Variants in TBX5 observed in about 807,000 individuals in gnomAD.
The protein encoded by TBX5 is T-box transcription factor TBX5.
TBX5 carries 8 observed loss-of-function variants against 51.1 expected under a neutral mutation model. The ratio of observed to expected loss-of-function variants is 0.16; its 90% CI spans 0.09 to 0.28. The LOEUF (loss-of-function observed/expected upper bound fraction) is 0.28, where lower values mean the gene tolerates loss of function less well. Ranked by LOEUF, TBX5 falls within the 10% of genes least tolerant of loss-of-function variation. TBX5 has a pLI of 1.00. For missense variants in TBX5, 589 were observed against 671.7 expected (o/e 0.88, Z 1.36); for synonymous variants, 302 against 266.4 (o/e 1.13, Z -1.30).
At chr12:114,370,641 C>T (rs1360754546) in intron 7 of TBX5, among the ~76,000 whole-genome samples, 2 of 76,764 alleles carry the variant, frequency 2.6e-5, no homozygotes, top group African/African-American at 3.7e-5. Flanking sequence ...ATCTCTCCCT[C>T]TCTCTCTCTC....
intron 7 of TBX5, among the ~76,000 whole-genome samples, chr12:114,371,338 C>A (rs1434004474): frequency 6.6e-6 from 1 of 152,182 alleles, no homozygotes; most frequent in African/African-American, 2.4e-5. Context: ...GCCCACAGAC[C>A]AGCTTCTCCC....
chr12:114,367,558 C>T (rs1869616441), intron 7 of TBX5, among the ~76,000 whole-genome samples: 1 of 151,804 alleles, frequency 6.6e-6, no homozygotes, highest in Non-Finnish European at 1.5e-5. Flanking sequence ...CAGTAGAAAC[C>T]TCTCCTGGGA....
chr12:114,375,469 G>A (rs972622848), intron 7 of TBX5, among the ~76,000 whole-genome samples: 2 of 152,080 alleles, frequency 1.3e-5, no homozygotes, highest in African/African-American at 4.8e-5. Flanking sequence ...ATTAAAAAAT[G>A]GGCAAAAGAC....
At position 114,366,196 on chromosome 12, in the gene TBX5, A is replaced by G. The variant is rs1869523875; in HGVS notation, c.951T>C (p.His317=). The G allele has an allele frequency of 6.2e-7, 1 of 1,614,162 alleles. No homozygotes were observed. Among genetic ancestry groups the G allele is most frequent in the Non-Finnish European group, 8.5e-7 (1 of 1,180,030 alleles). ...TCTTGGTACAATGGTAAATTTGGCT[A>G]TGCTCCTGGGGCAGTGGGTATGGGT... is the stretch of plus-strand genomic sequence containing the variant. ...PPNPYPLPQE[H]SQIYHCTKRK... is the part of the protein sequence containing the mutation. The change falls in exon 8 of 9, where the codon CAT becomes CAC. Residue 317 remains histidine (H), a synonymous_variant. Coordinates refer to ENST00000405440, the MANE Select transcript of TBX5 (RefSeq NM_181486.4).
intron 7 of TBX5, among the ~76,000 whole-genome samples, chr12:114,374,218 C>G (rs111346301): frequency 9.7e-4 from 148 of 152,300 alleles, no homozygotes; most frequent in African/African-American, 3.2e-3. Flanking sequence ...TACAAGGTAG[C>G]AGGTCTCTTG....
At chr12:114,362,109 T>G (rs1040673254) in intron 8 of TBX5, among the ~76,000 whole-genome samples, 2 of 152,040 alleles carry the variant, frequency 1.3e-5, no homozygotes, top group Admixed American at 1.3e-4. Context: ...TAAGGCCTGA[T>G]TCCACCCACA....
At chr12:114,378,385 AG>A (rs1390138563) in intron 7 of TBX5, among the ~76,000 whole-genome samples, 3 of 152,220 alleles carry the variant, frequency 2.0e-5, no homozygotes, top group Non-Finnish European at 4.4e-5. Context: ...GCTTGCAGCC[AG>A]GCAGGCCCCT....
intron 5 of TBX5, among the ~76,000 whole-genome samples, chr12:114,396,216 C>G (rs1871415973): frequency 6.6e-6 from 1 of 151,840 alleles, no homozygotes; most frequent in Non-Finnish European, 1.5e-5. Context: ...CCGCGCGTCT[C>G]TAATCTCCGG....
In TBX5 at chr12:114,390,898, T is replaced by C. The variant is rs142062576; in HGVS notation, c.663+3843A>G. ...GAACGTCGCTGGGGAAGATTTGAGT[T>C]TTTAAATATCTTTTTTAAGCTGTCA... On this transcript the variant is annotated intron_variant, in intron 6 of 8. Transcript: ENST00000405440. Among the ~76,000 whole-genome samples, 898 of 152,288 alleles carry C rather than the reference T, an allele frequency of 5.9e-3. 8 individuals carry two copies. The highest frequency in any genetic ancestry group is 8.7e-3 in the Non-Finnish European group (594 of 68,022).
Position 114,371,592 on chromosome 12 carries a change from T to G in TBX5, c.756-5201A>C, listed in dbSNP as rs980026366. On this transcript the variant is annotated intron_variant, in intron 7 of 8. Coordinates refer to ENST00000405440, the MANE Select transcript of TBX5 (RefSeq NM_181486.4). ...TGGCATGTTCAGATTTTTGTGTTTTTTTTTTTTTTTTTTTCCTGGTGATCC... is the reference window on the plus strand; with the variant it reads ...TGGCATGTTCAGATTTTTGTGTTTTGTTTTTTTTTTTTTTCCTGGTGATCC... 1.1e-4 allele frequency among the ~76,000 whole-genome samples: 17 copies of G among 150,562 alleles called. 1 individual carries two copies. The highest frequency in any genetic ancestry group is 3.9e-4 in the East Asian group (2 of 5,142).
rs1187626852 is a variant in TBX5, at chr12:114,398,657, G to A, written c.426C>T (p.Pro142=). 1 of 1,613,048 alleles carries A rather than the reference G, an allele frequency of 6.2e-7. No individual in the cohort carries two copies. Residue 142 remains proline (P), a synonymous_variant, in exon 5 of 9, where the codon CCC becomes CCT. Transcript: ENST00000405440. ...GCCTCATCCAATGCGCCCCGGTGGCGGGGGAGTCTGGGTGCACGTACAGGC... is the reference window on the plus strand; with the variant it reads ...GCCTCATCCAATGCGCCCCGGTGGCAGGGGAGTCTGGGTGCACGTACAGGC... ...PGRLYVHPDS[P]ATGAHWMRQL...
chr12:114,367,417 T>C (rs1165348931), intron 7 of TBX5, among the ~76,000 whole-genome samples: 1 of 152,146 alleles, frequency 6.6e-6, no homozygotes, highest in South Asian at 2.1e-4. Context: ...AAAAATTCCA[T>C]GACATCATAG....
intron 7 of TBX5, among the ~76,000 whole-genome samples, chr12:114,373,166 A>T (rs1870011569): frequency 6.6e-6 from 1 of 152,176 alleles, no homozygotes; most frequent in Non-Finnish European, 1.5e-5. Context: ...TTTTTCTAGG[A>T]AGAGGTTCAC....
At chr12:114,396,362 G>T (rs1871429766) in intron 5 of TBX5, among the ~76,000 whole-genome samples, 1 of 152,092 alleles carries the variant, frequency 6.6e-6, no homozygotes, top group Non-Finnish European at 1.5e-5. Flanking sequence ...TAGCCAAATT[G>T]CTTTGACGGC....
intron 7 of TBX5, among the ~76,000 whole-genome samples, chr12:114,370,885 G>A (rs1312214348): frequency 2.0e-5 from 3 of 151,802 alleles, no homozygotes; most frequent in African/African-American, 7.3e-5. Context: ...CCCATCACCC[G>A]AGCAGTGTAC....
intron 6 of TBX5, among the ~76,000 whole-genome samples, chr12:114,394,019 T>G (rs983525632): frequency 2.0e-5 from 3 of 152,190 alleles, no homozygotes; most frequent in African/African-American, 7.2e-5. Flanking sequence ...GCCAGTTGAG[T>G]GGCAAAATTG....
chr12:114,364,806 A>G (rs979761263), intron 8 of TBX5, among the ~76,000 whole-genome samples: 4 of 152,178 alleles, frequency 2.6e-5, no homozygotes, highest in Admixed American at 6.5e-5. Flanking sequence ...AAAGTGAGAA[A>G]CTGAGGCTAG....
chr12:114,369,979 G>T (rs1363678246), intron 7 of TBX5, among the ~76,000 whole-genome samples: 4 of 152,096 alleles, frequency 2.6e-5, no homozygotes, highest in Non-Finnish European at 4.4e-5. Flanking sequence ...GATGGGCCAG[G>T]CACGGTGGCT....
chr12:114,372,076 A>G (rs867772247), intron 7 of TBX5, among the ~76,000 whole-genome samples: 3 of 152,180 alleles, frequency 2.0e-5, no homozygotes, highest in Admixed American at 1.3e-4. Flanking sequence ...AGAGCATGGA[A>G]TAACAGACAT....
Sources: allele counts gnomAD v4.1 joint callset (sites outside exome capture counted in the v4.1 genomes callset), GRCh38; gene constraint gnomAD v4.1.1; transcripts MANE v1.5; gene names NCBI Gene and HGNC (gene_info 2026-07-23, HGNC 2026-07-21).